MAD1L1: variants seen among roughly 807,000 people sequenced by gnomAD.
MAD1L1 encodes the protein mitotic arrest deficient 1 like 1.
In MAD1L1, 95 loss-of-function variants were observed where a neutral mutation model predicts 96.9. That is an observed-to-expected ratio of 0.98 (90% CI 0.83 to 1.16). The LOEUF (loss-of-function observed/expected upper bound fraction) is 1.16, where lower values mean the gene tolerates loss of function less well. Among genes scored for constraint, MAD1L1 ranks in the 50% most tolerant of loss-of-function variants. MAD1L1 has a pLI of 0.00. For missense variants in MAD1L1, 1,007 were observed against 954.4 expected, an observed-to-expected ratio of 1.06 and a Z score of -0.73; for synonymous variants, 473 against 396.6, an observed-to-expected ratio of 1.19 and a Z score of -2.29.
intron 17 of MAD1L1, among the ~76,000 whole-genome samples, chr7:1,935,203 G>A (rs1007904591): frequency 6.6e-6 from 1 of 152,234 alleles, no homozygotes; most frequent in Non-Finnish European, 1.5e-5. Flanking sequence ...CCTCAGCTCC[G>A]AAACTTGCCA....
chr7:2,219,587 G>C lies in MAD1L1; in HGVS notation c.472-131C>G, dbSNP rs548367054. The C allele has an allele frequency of 2.7e-5, 25 of 917,506 alleles. No homozygotes were observed. In the African/African-American group the frequency reaches 4.1e-4, roughly 15 times the overall value. 56.8% of individuals were successfully genotyped at this position (917,506 alleles called of 1,614,324 possible). Reference sequence around the variant, plus strand: ...CTATAATCAGGGCAGGAGGCAGAGGGGCAGAGGAATAAGGGGGCAGAGGGG... The same window carrying C: ...CTATAATCAGGGCAGGAGGCAGAGGCGCAGAGGAATAAGGGGGCAGAGGGG... On this transcript the variant is annotated intron_variant, in intron 5 of 18. Coordinates refer to ENST00000265854, the MANE Select transcript of MAD1L1 (RefSeq NM_001013836.2).
chr7:1,996,270 T>TC (rs11361643), intron 14 of MAD1L1, among the ~76,000 whole-genome samples: 6,055 of 12,892 alleles, frequency 0.47, 1,872 homozygotes, highest in East Asian at 0.62. Flanking sequence ...GCGGGCAGGG[T>TC]CCCCCCGGGT....
At chr7:1,936,655 G>T in intron 17 of MAD1L1, 32 bp downstream of exon 17, 3 of 1,539,678 alleles carry the variant, frequency 1.9e-6, no homozygotes, top group Non-Finnish European at 1.7e-6. Flanking sequence ...GAAGGTCGAG[G>T]ATGGCAGGGA....
At chr7:1,993,948 A>C (rs1279554612) in intron 14 of MAD1L1, among the ~76,000 whole-genome samples, 1 of 152,212 alleles carries the variant, frequency 6.6e-6, no homozygotes, top group Non-Finnish European at 1.5e-5. Context: ...TTTCACAGAC[A>C]GCCTGATATG....
At position 2,008,774 on chromosome 7, in the gene MAD1L1, G is replaced by GA. The variant is rs577307878; in HGVS notation, c.1359+5727_1359+5728insT. Reference sequence around the variant, plus strand: ...GACGCAGACACGCAGGAAGCTCAGGGGGGGAAGGAACACGGCTCCATCCCA... The same window carrying GA: ...GACGCAGACACGCAGGAAGCTCAGGGAGGGGAAGGAACACGGCTCCATCCCA... On this transcript the variant is annotated intron_variant, in intron 13 of 18. Coordinates refer to ENST00000265854, the MANE Select transcript of MAD1L1 (RefSeq NM_001013836.2). Among the ~76,000 whole-genome samples the GA allele has an allele frequency of 2.0e-5, 3 of 150,506 alleles. 1 individual carries two copies. The highest frequency in any genetic ancestry group is 7.3e-5 in the African/African-American group (3 of 41,230).
intron 16 of MAD1L1, among the ~76,000 whole-genome samples, chr7:1,955,936 C>T (rs1815054): frequency 0.87 from 128,878 of 148,978 alleles, 56,771 homozygotes; most frequent in Non-Finnish European, 0.96. Context: ...AGTATAACTT[C>T]CATCTTAGAC....
At chr7:1,887,598 T>A (rs1462053962) in intron 18 of MAD1L1, among the ~76,000 whole-genome samples, 1 of 149,572 alleles carries the variant, frequency 6.7e-6, no homozygotes, top group African/African-American at 2.5e-5. Context: ...TGACCATGCA[T>A]GCGTGTATGT....
intron 18 of MAD1L1, among the ~76,000 whole-genome samples, chr7:1,843,714 T>C (rs1184342496): frequency 1.3e-5 from 2 of 152,138 alleles, no homozygotes; most frequent in East Asian, 3.9e-4. Flanking sequence ...GTGGGCACAC[T>C]TTGTCCCAGC....
At chr7:1,996,163 G>A (rs117987054) in intron 14 of MAD1L1, among the ~76,000 whole-genome samples, 14,549 of 133,422 alleles carry the variant, frequency 0.11, 1,381 homozygotes, top group South Asian at 0.22. Flanking sequence ...AGGGTCCCCC[G>A]GGTCTACACA....
intron 18 of MAD1L1, among the ~76,000 whole-genome samples, chr7:1,836,298 G>C (rs926422728): frequency 6.6e-6 from 1 of 152,192 alleles, no homozygotes; most frequent in Non-Finnish European, 1.5e-5. Flanking sequence ...GGGATTACAG[G>C]CATGAGCCAC....
intron 17 of MAD1L1, among the ~76,000 whole-genome samples, chr7:1,919,891 G>T (rs1207123388): frequency 6.6e-6 from 1 of 152,250 alleles, no homozygotes; most frequent in African/African-American, 2.4e-5. Flanking sequence ...TGACTCTGGG[G>T]AGGGAGCTGA....
chr7:2,178,199 G>A (rs1484300941), intron 10 of MAD1L1, among the ~76,000 whole-genome samples: 3 of 152,150 alleles, frequency 2.0e-5, no homozygotes, highest in Non-Finnish European at 2.9e-5. Flanking sequence ...TGATAAAAAC[G>A]AAATATTTTC....
intron 14 of MAD1L1, among the ~76,000 whole-genome samples, chr7:1,993,518 T>C (rs548384648): frequency 6.6e-6 from 1 of 152,342 alleles, no homozygotes; most frequent in South Asian, 2.1e-4. Flanking sequence ...TCACACACTG[T>C]GGCACTGGCC....
intron 14 of MAD1L1, among the ~76,000 whole-genome samples, chr7:1,985,231 C>G (rs563740142): frequency 6.6e-6 from 1 of 152,220 alleles, no homozygotes; most frequent in African/African-American, 2.4e-5. Flanking sequence ...CCCTTGAGGC[C>G]GGAATGAAAT....
chr7:1,858,743 G>T (rs1236326996), intron 18 of MAD1L1, among the ~76,000 whole-genome samples: 2 of 152,232 alleles, frequency 1.3e-5, no homozygotes, highest in African/African-American at 4.8e-5. Flanking sequence ...AGCCACAGAG[G>T]CCACAGACTA....
chr7:1,963,286 C>T (rs1286194957), intron 15 of MAD1L1, among the ~76,000 whole-genome samples: 1 of 152,132 alleles, frequency 6.6e-6, no homozygotes, highest in Admixed American at 6.5e-5. Context: ...GTGATCTCTC[C>T]CCCAACCAGC....
intron 12 of MAD1L1, among the ~76,000 whole-genome samples, chr7:2,059,794 G>T (rs938874825): frequency 1.3e-5 from 2 of 152,094 alleles, no homozygotes; most frequent in African/African-American, 4.8e-5. Context: ...TCAGAGCAAG[G>T]TTGTCATGTG....
intron 10 of MAD1L1, among the ~76,000 whole-genome samples, chr7:2,179,391 G>A (rs1562757843): frequency 1.3e-5 from 2 of 152,096 alleles, no homozygotes; most frequent in Non-Finnish European, 2.9e-5. Flanking sequence ...AGCCGGGCAT[G>A]GTGGCGCATG....
At chr7:1,945,859 C>T (rs1177717622) in intron 16 of MAD1L1, among the ~76,000 whole-genome samples, 1 of 152,160 alleles carries the variant, frequency 6.6e-6, no homozygotes, top group Non-Finnish European at 1.5e-5. Flanking sequence ...GGGGAGGGAC[C>T]ACCAGGGCAG....
Sources: allele counts gnomAD v4.1 joint callset (sites outside exome capture counted in the v4.1 genomes callset), GRCh38; gene constraint gnomAD v4.1.1; transcripts MANE v1.5; gene names NCBI Gene and HGNC (gene_info 2026-07-23, HGNC 2026-07-21).